Variants in DNAAF5 observed in about 807,000 individuals in gnomAD.
The protein encoded by DNAAF5 is dynein axonemal assembly factor 5, also known as HEAT repeat containing 2.
A neutral mutation model predicts 75.8 loss-of-function variants in DNAAF5; 64 were observed. The observed-to-expected ratio is 0.84, with a 90% CI of 0.69 to 1.04. The LOEUF is 1.04. Ranked by LOEUF, DNAAF5 falls within the 50% of genes least tolerant of loss-of-function variation. The probability of loss-of-function intolerance (pLI) is 0.00; values close to 1 mark genes in which losing one functional copy is unlikely to be tolerated. For missense variants in DNAAF5, 1,269 were observed against 1,178.5 expected (o/e 1.08, Z -1.12); for synonymous variants, 657 against 557.2 (o/e 1.18, Z -2.52).
At chr7:766,246 T>C (rs1782818254) in intron 8 of DNAAF5, among the ~76,000 whole-genome samples, 1 of 152,230 alleles carries the variant, frequency 6.6e-6, no homozygotes, top group East Asian at 1.9e-4. Flanking sequence ...ATTTCCAACA[T>C]CGTGTCCTTG....
rs1781907207 is a variant in DNAAF5, at chr7:741,425, G to C, written c.984G>C (p.Leu328=). The change falls in exon 4 of 13, where the codon CTG becomes CTC. Residue 328 remains leucine, a synonymous_variant. Coordinates refer to ENST00000297440, the MANE Select transcript of DNAAF5 (RefSeq NM_017802.4). The part of the protein sequence containing the change: ...KENEEDLKDK[L]DFAPPTPPHY... ...ATGAGGAGGACCTGAAGGACAAGCT[G>C]GACTTTGCCCCTCCCACCCCACCCC... 1.3e-6 allele frequency: 2 copies of C among 1,571,800 alleles called. No individual in the cohort carries two copies. Among genetic ancestry groups the C allele is most frequent in the African/African-American group, 2.7e-5 (2 of 74,604 alleles).
chr7:736,539 C>G (rs1384438470), intron 2 of DNAAF5, among the ~76,000 whole-genome samples: 1 of 152,202 alleles, frequency 6.6e-6, no homozygotes, highest in Non-Finnish European at 1.5e-5. Context: ...TTCTTGCTTT[C>G]CATTTGTATG....
intron 2 of DNAAF5, among the ~76,000 whole-genome samples, chr7:733,949 T>C (rs1408919467): frequency 1.3e-5 from 2 of 152,270 alleles, no homozygotes; most frequent in Non-Finnish European, 2.9e-5. Flanking sequence ...GGGGCTTTTT[T>C]GGTGATTTTG....
intron 9 of DNAAF5, chr7:771,414 G>A (rs544214279): frequency 2.0e-5 from 3 of 152,414 alleles, no homozygotes; most frequent in South Asian, 2.1e-4. Flanking sequence ...CCGCCTGTGC[G>A]GCTGGATCTG....
At chr7:784,179 C>CG (rs895911436) in intron 12 of DNAAF5, among the ~76,000 whole-genome samples, 7 of 152,178 alleles carry the variant, frequency 4.6e-5, no homozygotes, top group African/African-American at 1.7e-4. Flanking sequence ...CTGGCGGCCA[C>CG]GCACCCTCCT....
chr7:784,018 GCC>G, intron 12 of DNAAF5, among the ~76,000 whole-genome samples: 1 of 145,516 alleles, frequency 6.9e-6, no homozygotes, highest in South Asian at 2.2e-4. Context: ...CCTGTACGCC[GCC>G]CCCACCTCCC....
intron 6 of DNAAF5, among the ~76,000 whole-genome samples, chr7:760,553 G>A (rs113603172): frequency 9.7e-4 from 148 of 152,324 alleles, no homozygotes; most frequent in African/African-American, 2.3e-3. Flanking sequence ...GAGAGGCCAC[G>A]GCAGGAGGAT....
intron 2 of DNAAF5, among the ~76,000 whole-genome samples, chr7:735,005 TGCTC>T (rs1220682036): frequency 6.6e-6 from 1 of 152,210 alleles, no homozygotes; most frequent in African/African-American, 2.4e-5. Flanking sequence ...ACGATGTCAT[TGCTC>T]ACGGTGTAGT....
chr7:734,159 G>A (rs1179063430), intron 2 of DNAAF5, among the ~76,000 whole-genome samples: 5 of 152,188 alleles, frequency 3.3e-5, no homozygotes, highest in Admixed American at 6.5e-5. Context: ...TGGTGAAAGC[G>A]AGCATCCTTG....
At chr7:729,989 T>G in intron 2 of DNAAF5, 142 bp downstream of exon 2, 1 of 779,470 alleles carries the variant, frequency 1.3e-6, no homozygotes, top group Admixed American at 2.7e-5. Context: ...TCACAGGACG[T>G]TCCTGTTCAC....
chr7:726,869 TG>T lies in DNAAF5; in HGVS notation c.151del (p.Glu51ArgfsTer35). ...ADSKPGRRRALEALRRALEEP... is the reference protein window; with the variant it reads ...ADSKPGRRRAXEALRRALEEP... ...AGCAAGCCGGGCCGGCGGCGCGCCTTGGAGGCCCTGCGGCGCGCGCTGGAGG... is the reference window on the plus strand; with the variant it reads ...AGCAAGCCGGGCCGGCGGCGCGCCTTGAGGCCCTGCGGCGCGCGCTGGAGG... On this transcript the variant is annotated frameshift_variant, in exon 1 of 13. Coordinates refer to ENST00000297440, the MANE Select transcript of DNAAF5 (RefSeq NM_017802.4). LOFTEE classifies it high-confidence loss of function. The T allele has an allele frequency of 7.6e-7, 1 of 1,320,574 alleles. No individual in the cohort carries two copies. The highest frequency in any genetic ancestry group is 9.6e-7 in the Non-Finnish European group (1 of 1,037,808). 81.8% of individuals were successfully genotyped at this position (1,320,574 alleles called of 1,614,324 possible).
In DNAAF5 at chr7:754,201, G is replaced by A. The variant is rs1782410892; in HGVS notation, c.1025-388G>A. On this transcript the variant is annotated intron_variant, in intron 4 of 12. Transcript: ENST00000297440. This position sits in a 1 kb window ranked among gnomAD's most constrained non-coding sequence, Gnocchi z 4.8. ...GTTTTTTGAGACAGGGTCTCGCTCTGTCACCCAGGCTGGAGTGCTGTGGCG... is the reference window on the plus strand; with the variant it reads ...GTTTTTTGAGACAGGGTCTCGCTCTATCACCCAGGCTGGAGTGCTGTGGCG... Among the ~76,000 whole-genome samples the A allele has an allele frequency of 6.6e-6, 1 of 152,224 alleles. No homozygotes were observed. The highest frequency in any genetic ancestry group is 6.5e-5 in the Admixed American group (1 of 15,288).
intron 12 of DNAAF5, among the ~76,000 whole-genome samples, chr7:783,471 G>C (rs541578877): frequency 6.6e-6 from 1 of 152,286 alleles, no homozygotes; most frequent in South Asian, 2.1e-4. Context: ...ACCCTCTGAA[G>C]GGTCCTGGGG....
chr7:766,679 T>C (rs1479643513), intron 8 of DNAAF5, among the ~76,000 whole-genome samples: 1 of 151,862 alleles, frequency 6.6e-6, no homozygotes, highest in Non-Finnish European at 1.5e-5. Context: ...TCTGAGTCCA[T>C]AACCGAGCAG....
Position 741,076 on chromosome 7 carries a change from C to T in DNAAF5, c.905+133C>T, listed in dbSNP as rs980164421. On this transcript the variant is annotated intron_variant, in intron 3 of 12. Transcript: ENST00000297440. ...GTCCCTGTGCTCCGAAGGGATGTGCCGTACAGAAGTCGTCTCGTTTTGTAA... is the reference window on the plus strand; with the variant it reads ...GTCCCTGTGCTCCGAAGGGATGTGCTGTACAGAAGTCGTCTCGTTTTGTAA... 33 of 1,096,560 alleles carry T rather than the reference C, an allele frequency of 3.0e-5. 2 individuals carry two copies. The South Asian group carries it at 3.2e-4, about 11-fold the overall frequency. 67.9% of individuals were successfully genotyped at this position (1,096,560 alleles called of 1,614,324 possible). A position where few individuals can be genotyped will look rare whatever the true frequency, so the allele number is the denominator to read the frequency against.
At chr7:758,065 G>A (rs1013588887) in intron 6 of DNAAF5, among the ~76,000 whole-genome samples, 3 of 152,356 alleles carry the variant, frequency 2.0e-5, no homozygotes, top group East Asian at 1.9e-4. Context: ...GGAAGGGAGC[G>A]GGGGAGGGGC....
At chr7:765,345 G>C (rs766370910) in intron 8 of DNAAF5, among the ~76,000 whole-genome samples, 9 of 152,180 alleles carry the variant, frequency 5.9e-5, no homozygotes, top group Non-Finnish European at 1.0e-4. Flanking sequence ...TCTCCCACGG[G>C]CCTCTTGGAT....
At position 785,737 on chromosome 7, in the gene DNAAF5, C is replaced by T. The variant is rs753617215; in HGVS notation, c.*84C>T. The T allele has an allele frequency of 1.1e-4, 172 of 1,503,898 alleles. No homozygotes were observed. The highest frequency in any genetic ancestry group is 1.4e-4 in the Non-Finnish European group (161 of 1,111,084). 93.2% of individuals were successfully genotyped at this position (1,503,898 alleles called of 1,614,324 possible). A position where few individuals can be genotyped will look rare whatever the true frequency, so the allele number is the denominator to read the frequency against. On this transcript the variant is annotated 3_prime_UTR_variant, in exon 13 of 13. Coordinates refer to ENST00000297440, the MANE Select transcript of DNAAF5 (RefSeq NM_017802.4). ...TTTAAATCTCATAAACAAGGCACCT[C>T]TGTGCCAGCAGTGAGACTGTGACAG...
At chr7:728,845 C>G (rs1781459334) in intron 1 of DNAAF5, among the ~76,000 whole-genome samples, 1 of 152,136 alleles carries the variant, frequency 6.6e-6, no homozygotes, top group African/African-American at 2.4e-5. Context: ...TGGGGGGCCT[C>G]ACCTCTGGTC....
Sources: gnomAD v4.1 joint callset for allele counts (sites outside exome capture counted in the v4.1 genomes callset) on GRCh38, gnomAD v4.1.1 for gene constraint, Gnocchi (gnomAD v3.1) non-coding constraint, MANE v1.5 for transcripts, NCBI Gene and HGNC (gene_info 2026-07-23, HGNC 2026-07-21) for gene names.